FRAS1: variants seen among roughly 807,000 people sequenced by gnomAD.
The protein encoded by FRAS1 is Fraser extracellular matrix complex subunit 1.
A neutral mutation model predicts 435.2 loss-of-function variants in FRAS1; 290 were observed. That is an observed-to-expected ratio of 0.67 (90% CI 0.61 to 0.73). FRAS1 has a LOEUF of 0.73. Among genes scored for constraint, FRAS1 ranks in the 30% least tolerant of loss-of-function variants. The probability of loss-of-function intolerance (pLI) is 0.00; values close to 1 mark genes in which losing one functional copy is unlikely to be tolerated. For synonymous variants in FRAS1, 1,800 were observed against 1,851.0 expected (o/e 0.97, Z 0.71); for missense variants, 4,860 against 5,001.5 (o/e 0.97, Z 0.85).
At chr4:78,504,617 C>A (rs183875214) in intron 61 of FRAS1, among the ~76,000 whole-genome samples, 1 of 152,238 alleles carries the variant, frequency 6.6e-6, no homozygotes, top group African/African-American at 2.4e-5. Context: ...ATACGTGTGT[C>A]TCTGCATGTG....
chr4:78,318,058 A>G (rs1030813691), intron 17 of FRAS1, among the ~76,000 whole-genome samples: 10 of 152,244 alleles, frequency 6.6e-5, no homozygotes, highest in African/African-American at 2.4e-4. Flanking sequence ...TTATTTATAC[A>G]TCAGAATTAA....
chr4:78,301,150 G>A (rs1360319888), intron 14 of FRAS1, among the ~76,000 whole-genome samples: 1 of 152,214 alleles, frequency 6.6e-6, no homozygotes, highest in African/African-American at 2.4e-5. Context: ...TTACCAAGCT[G>A]CTTGCAAGCA....
intron 18 of FRAS1, among the ~76,000 whole-genome samples, chr4:78,328,103 G>C (rs1179770248): frequency 2.0e-5 from 3 of 152,092 alleles, no homozygotes; most frequent in Non-Finnish European, 4.4e-5. Context: ...GATGCAAAGG[G>C]ACTTTCTTCT....
At chr4:78,529,770 C>T (rs968500985) in intron 70 of FRAS1, among the ~76,000 whole-genome samples, 5 of 152,128 alleles carry the variant, frequency 3.3e-5, no homozygotes, top group Non-Finnish European at 7.3e-5. Context: ...AACAAAGGGA[C>T]GATTCCTGTT....
At chr4:78,368,331 A>T (rs1731355584) in intron 22 of FRAS1, among the ~76,000 whole-genome samples, 1 of 139,992 alleles carries the variant, frequency 7.1e-6, no homozygotes, top group South Asian at 2.3e-4. Context: ...AAACAATAGC[A>T]TTCTTTTTTT....
intron 2 of FRAS1, among the ~76,000 whole-genome samples, chr4:78,208,510 G>A (rs566309446): frequency 1.3e-5 from 2 of 152,218 alleles, no homozygotes; most frequent in Non-Finnish European, 2.9e-5. Flanking sequence ...GAAAGGTGAA[G>A]TGGAATTTAA....
rs1307863284 is a variant in FRAS1, at chr4:78,496,868, G to T, written c.9022G>T (p.Val3008Phe). The change falls in exon 60 of 74, where the codon GTC (valine) becomes TTC (phenylalanine). Residue 3008 changes from valine to phenylalanine, a missense_variant. By Grantham distance (50) the Val-to-Phe change is conservative. Coordinates refer to ENST00000512123, the MANE Select transcript of FRAS1 (RefSeq NM_025074.7). ...SMFEPEEQFRVYLGLPLGNHW... is the reference protein window; with the variant it reads ...SMFEPEEQFRFYLGLPLGNHW... ...GTTTGAGCCAGAGGAACAGTTCAGG[G>T]TCTACCTCGGCCTTCCTCTTGGAAA... 1 of 1,613,788 alleles carries T rather than the reference G, an allele frequency of 6.2e-7. No homozygotes were observed. Among genetic ancestry groups the T allele is most frequent in the Admixed American group, 1.7e-5 (1 of 59,998 alleles).
intron 38 of FRAS1, among the ~76,000 whole-genome samples, chr4:78,436,414 T>C (rs947361246): frequency 6.6e-6 from 1 of 152,192 alleles, no homozygotes; most frequent in Non-Finnish European, 1.5e-5. Context: ...GAATTTGGCA[T>C]TGCCACGTGA....
intron 19 of FRAS1, among the ~76,000 whole-genome samples, chr4:78,337,150 T>G (rs1730201681): frequency 6.6e-6 from 1 of 152,214 alleles, no homozygotes; most frequent in Non-Finnish European, 1.5e-5. Flanking sequence ...GCTGATAAAA[T>G]AAGCATCCCA....
At chr4:78,444,474 A>G (rs574760701) in intron 41 of FRAS1, among the ~76,000 whole-genome samples, 2 of 152,282 alleles carry the variant, frequency 1.3e-5, no homozygotes, top group South Asian at 4.2e-4. Flanking sequence ...TAGCCTTTTA[A>G]TTTTGGATCT....
intron 2 of FRAS1, among the ~76,000 whole-genome samples, chr4:78,135,871 C>T (rs1353720673): frequency 6.6e-6 from 1 of 152,096 alleles, no homozygotes; most frequent in Non-Finnish European, 1.5e-5. Flanking sequence ...AAAGTTGCCA[C>T]GAACACTGAA....
rs1273673121 is a variant in FRAS1 at position 78,057,515 on chromosome 4, CG to C, written c.-491del. The C allele has an allele frequency of 6.4e-6, 1 of 156,664 alleles. No individual in the cohort carries two copies. Among genetic ancestry groups the C allele is most frequent in the Non-Finnish European group, 1.4e-5 (1 of 70,902 alleles). 9.7% of individuals were successfully genotyped at this position (156,664 alleles called of 1,614,324 possible). Reference sequence around the variant, plus strand: ...AAGGAGTGGGTGTGGGTGGGTCTTTCGGGGCTCCCGGCGACCCGCGGTGCCG... The same window carrying C: ...AAGGAGTGGGTGTGGGTGGGTCTTTCGGGCTCCCGGCGACCCGCGGTGCCG... On this transcript the variant is annotated 5_prime_UTR_variant, in exon 1 of 74. An upstream open reading frame in the 5' UTR gains an earlier in-frame stop. Transcript: ENST00000512123. The surrounding 1 kb of genome is among the most constrained non-coding windows in gnomAD (Gnocchi z 4.2).
chr4:78,164,612 A>G (rs1158083634), intron 2 of FRAS1, among the ~76,000 whole-genome samples: 1 of 152,178 alleles, frequency 6.6e-6, no homozygotes, highest in East Asian at 1.9e-4. Flanking sequence ...CCCTATGGAA[A>G]GAACCTAAAG....
At position 78,190,615 on chromosome 4, in the gene FRAS1, C is replaced by A. The variant is rs544781133; in HGVS notation, c.109-46895C>A. Among the ~76,000 whole-genome samples the A allele has an allele frequency of 9.9e-4, 149 of 150,946 alleles. 1 individual carries two copies. Among genetic ancestry groups the A allele is most frequent in the Non-Finnish European group, 1.7e-3 (112 of 67,870 alleles). ...CCATCCCCCATCCCCCCACCACACC[C>A]CTTCCCTTCCCTTCCATTCCCTTCC... On this transcript the variant is annotated intron_variant, in intron 2 of 73. Coordinates refer to ENST00000512123, the MANE Select transcript of FRAS1 (RefSeq NM_025074.7).
intron 33 of FRAS1, among the ~76,000 whole-genome samples, chr4:78,421,535 A>G (rs895566662): frequency 6.6e-6 from 1 of 152,118 alleles, no homozygotes; most frequent in Non-Finnish European, 1.5e-5. Flanking sequence ...CAGCCCACTG[A>G]CTCAAATATT....
At chr4:78,159,732 T>C (rs778065757) in intron 2 of FRAS1, among the ~76,000 whole-genome samples, 19 of 151,984 alleles carry the variant, frequency 1.3e-4, no homozygotes, top group African/African-American at 2.2e-4. Context: ...AATACAAAAA[T>C]TGGCCAGGCA....
intron 38 of FRAS1, 61 bp downstream of exon 38, chr4:78,432,665 G>A: frequency 6.7e-7 from 1 of 1,491,326 alleles, no homozygotes; most frequent in African/African-American, 1.4e-5. Flanking sequence ...GGGGCAGACT[G>A]GGCAGCAATG....
chr4:78,473,430 T>C lies in FRAS1; in HGVS notation c.7523-8T>C, dbSNP rs1719767962. The C allele has an allele frequency of 3.7e-6, 6 of 1,609,464 alleles. No homozygotes were observed. Among genetic ancestry groups the C allele is most frequent in the Non-Finnish European group, 5.1e-6 (6 of 1,177,258 alleles). On this transcript the variant is annotated splice_region_variant and splice_polypyrimidine_tract_variant and intron_variant, in intron 52 of 73. Coordinates refer to ENST00000512123, the MANE Select transcript of FRAS1 (RefSeq NM_025074.7). ...GGGTTAATTCACAGTGAGTCTTTTT[T>C]CTCACAGAGGATGTGAACTTGGGGT...
At chr4:78,217,434 G>A (rs1293135281) in intron 2 of FRAS1, among the ~76,000 whole-genome samples, 1 of 152,126 alleles carries the variant, frequency 6.6e-6, no homozygotes, top group Non-Finnish European at 1.5e-5. Flanking sequence ...ATGTCTGGAA[G>A]AGGACTGTTC....
Sources: gnomAD v4.1 joint callset for allele counts (sites outside exome capture counted in the v4.1 genomes callset) on GRCh38, gnomAD v4.1.1 for gene constraint, Gnocchi (gnomAD v3.1) non-coding constraint, MANE v1.5 for transcripts, NCBI Gene and HGNC (gene_info 2026-07-23, HGNC 2026-07-21) for gene names.